ADCY5: variants seen among roughly 807,000 people sequenced by gnomAD.
ADCY5 encodes the protein adenylate cyclase 5, also known as adenylate cyclase type 5.
A neutral mutation model predicts 119.7 loss-of-function variants in ADCY5; 30 were observed. The observed-to-expected ratio is 0.25, with a 90% confidence interval of 0.19 to 0.34. The LOEUF is 0.34. ADCY5 is among the 10% of genes least tolerant of loss of function. ADCY5 has a pLI of 1.00. For missense variants in ADCY5, 1,324 were observed against 1,775.2 expected, an observed-to-expected ratio of 0.75 and a Z score of 4.57; for synonymous variants, 753 against 762.2, an observed-to-expected ratio of 0.99 and a Z score of 0.20.
chr3:123,441,312 G>A (rs948089594), intron 1 of ADCY5, among the ~76,000 whole-genome samples: 1 of 152,168 alleles, frequency 6.6e-6, no homozygotes, highest in African/African-American at 2.4e-5. Flanking sequence ...ATTATGATAA[G>A]CCAAAGTTAA....
chr3:123,387,657 A>AC (rs960937176), intron 1 of ADCY5, among the ~76,000 whole-genome samples: 3 of 152,120 alleles, frequency 2.0e-5, no homozygotes, highest in African/African-American at 7.2e-5. Flanking sequence ...GGAAATAGTA[A>AC]CCCCCCTTAA....
intron 8 of ADCY5, among the ~76,000 whole-genome samples, chr3:123,321,960 C>A (rs1304764732): frequency 6.6e-6 from 1 of 152,214 alleles, no homozygotes. Context: ...TGGCAGTTGT[C>A]TGCCTAGGCA....
At chr3:123,310,195 C>T (rs1940481150) in intron 12 of ADCY5, among the ~76,000 whole-genome samples, 1 of 151,410 alleles carries the variant, frequency 6.6e-6, no homozygotes, top group Non-Finnish European at 1.5e-5. Flanking sequence ...GTACCTAAGT[C>T]CCAAACTGCT....
At chr3:123,426,216 A>G (rs1044922037) in intron 1 of ADCY5, among the ~76,000 whole-genome samples, 16 of 152,056 alleles carry the variant, frequency 1.1e-4, no homozygotes, top group Admixed American at 1.0e-3. Flanking sequence ...GCATGGCAAC[A>G]TGGGGGTGGA....
intron 1 of ADCY5, among the ~76,000 whole-genome samples, chr3:123,353,901 C>A (rs373291950): frequency 3.4e-4 from 52 of 152,236 alleles, no homozygotes; most frequent in Non-Finnish European, 6.2e-4. Flanking sequence ...GGTGTGTGTG[C>A]CCCGGTCCAT....
At position 123,438,136 on chromosome 3, in the gene ADCY5, C is replaced by A. The variant is rs191045386; in HGVS notation, c.1134+9276G>T. Among the ~76,000 whole-genome samples the A allele has an allele frequency of 8.5e-5, 13 of 152,282 alleles. 1 individual carries two copies. In the East Asian group the frequency reaches 2.5e-3, roughly 29 times the overall value. ...GAGAAACTTCAAGGCTCCTCCCAGCCCCTGAAGAATTGTATCCTAAAGCGT... is the reference window on the plus strand; with the variant it reads ...GAGAAACTTCAAGGCTCCTCCCAGCACCTGAAGAATTGTATCCTAAAGCGT... On this transcript the variant is annotated intron_variant, in intron 1 of 20. Coordinates refer to ENST00000462833, the MANE Select transcript of ADCY5 (RefSeq NM_183357.3).
intron 3 of ADCY5, among the ~76,000 whole-genome samples, chr3:123,340,175 C>T (rs918700900): frequency 4.6e-5 from 7 of 151,850 alleles, no homozygotes; most frequent in South Asian, 2.1e-4. Context: ...ACCTGGGGTC[C>T]GAGTTACTGG....
chr3:123,311,178 A>C (rs2108302517), intron 12 of ADCY5, among the ~76,000 whole-genome samples: 1 of 152,276 alleles, frequency 6.6e-6, no homozygotes, highest in Middle Eastern at 3.4e-3. Flanking sequence ...TTGCAAAGCC[A>C]CTCTCCGTGA....
chr3:123,291,393 G>A lies in ADCY5; in HGVS notation c.3064-17C>T. On this transcript the variant is annotated splice_polypyrimidine_tract_variant and intron_variant, in intron 17 of 20. Coordinates refer to ENST00000462833, the MANE Select transcript of ADCY5 (RefSeq NM_183357.3). Reference sequence around the variant, plus strand: ...CTCTGTGGCCTGAGAGAAAAAGACTGCAAGTCACCCAGATGCCAATGTGAG... The same window carrying A: ...CTCTGTGGCCTGAGAGAAAAAGACTACAAGTCACCCAGATGCCAATGTGAG... 6.3e-7 allele frequency: 1 copy of A among 1,598,272 alleles called. No homozygotes were observed. The highest frequency in any genetic ancestry group is 1.1e-5 in the South Asian group (1 of 90,058).
chr3:123,316,338 G>A (rs532930770), intron 11 of ADCY5, among the ~76,000 whole-genome samples: 1 of 152,294 alleles, frequency 6.6e-6, no homozygotes, highest in South Asian at 2.1e-4. Context: ...CTGAGGACAT[G>A]AATCAACTAC....
intron 3 of ADCY5, among the ~76,000 whole-genome samples, chr3:123,342,431 C>T (rs573383671): frequency 1.6e-3 from 238 of 152,222 alleles, no homozygotes; most frequent in African/African-American, 5.6e-3. Context: ...CAAGACCCTG[C>T]CCCACCCCTG....
chr3:123,447,373 G>A (rs1461715804), intron 1 of ADCY5, 39 bp downstream of exon 1: 34 of 1,473,346 alleles, frequency 2.3e-5, no homozygotes, highest in African/African-American at 5.6e-5. Flanking sequence ...AGGCCTGCCC[G>A]CCCCGCAATC....
chr3:123,360,132 T>C lies in ADCY5; in HGVS notation c.1135-7551A>G, dbSNP rs905223375. On this transcript the variant is annotated intron_variant, in intron 1 of 20. Coordinates refer to ENST00000462833, the MANE Select transcript of ADCY5 (RefSeq NM_183357.3). ...ATAATGAGTGACACCTCTAAAATTTTTCCTTTCACAAAGAATCAAGATTGC... is the reference window on the plus strand; with the variant it reads ...ATAATGAGTGACACCTCTAAAATTTCTCCTTTCACAAAGAATCAAGATTGC... Among the ~76,000 whole-genome samples, 21 of 152,162 alleles carry C rather than the reference T, an allele frequency of 1.4e-4. 1 individual carries two copies. Among genetic ancestry groups the C allele is most frequent in the Admixed American group, 6.5e-5 (1 of 15,274 alleles).
At chr3:123,353,424 AG>A (rs1450120783) in intron 1 of ADCY5, among the ~76,000 whole-genome samples, 1 of 152,196 alleles carries the variant, frequency 6.6e-6, no homozygotes, top group Non-Finnish European at 1.5e-5. Context: ...CTTGGCAGGT[AG>A]AGCTCCTGGA....
intron 1 of ADCY5, among the ~76,000 whole-genome samples, chr3:123,432,304 T>C (rs565663511): frequency 1.3e-5 from 2 of 152,312 alleles, no homozygotes; most frequent in South Asian, 4.1e-4. Flanking sequence ...ACTTGCCTCT[T>C]GTCAAGTCTT....
At position 123,331,689 on chromosome 3, in the gene ADCY5, G is replaced by A. The variant is rs1941768920; in HGVS notation, c.1519-673C>T. 2.0e-5 allele frequency among the ~76,000 whole-genome samples: 3 copies of A among 152,180 alleles called. No individual in the cohort carries two copies. In the South Asian group the frequency reaches 6.2e-4, roughly 32 times the overall value. On this transcript the variant is annotated intron_variant, in intron 4 of 20. Transcript: ENST00000462833. ...TAGAATATCAGTAATCATCAATTATGAGCGGTCCAACTCTGGCTCCCAAAG... is the reference window on the plus strand; with the variant it reads ...TAGAATATCAGTAATCATCAATTATAAGCGGTCCAACTCTGGCTCCCAAAG...
At chr3:123,317,951 C>G in intron 11 of ADCY5, 69 bp downstream of exon 11, 1 of 1,425,322 alleles carries the variant, frequency 7.0e-7, no homozygotes, top group Non-Finnish European at 9.8e-7. Flanking sequence ...TCCTAAATGA[C>G]CACCCCCTCC....
chr3:123,351,907 G>A (rs906051961), intron 2 of ADCY5, among the ~76,000 whole-genome samples: 1 of 152,166 alleles, frequency 6.6e-6, no homozygotes, highest in African/African-American at 2.4e-5. Flanking sequence ...GGAAGAGATG[G>A]GACTTTCTTC....
At chr3:123,338,917 C>T (rs1002268649) in intron 3 of ADCY5, among the ~76,000 whole-genome samples, 1 of 152,214 alleles carries the variant, frequency 6.6e-6, no homozygotes, top group Non-Finnish European at 1.5e-5. Context: ...CATCCTGCAG[C>T]ACCCTGGACA....
Sources: gnomAD v4.1 joint callset for allele counts (sites outside exome capture counted in the v4.1 genomes callset) on GRCh38, gnomAD v4.1.1 for gene constraint, MANE v1.5 for transcripts, NCBI Gene and HGNC (gene_info 2026-07-23, HGNC 2026-07-21) for gene names.